TAFA2: variants seen among roughly 807,000 people sequenced by gnomAD.
TAFA2 encodes TAFA chemokine like family member 2.
TAFA2 carries 7 observed loss-of-function variants against 18.8 expected under a neutral mutation model. The ratio of observed to expected loss-of-function variants is 0.37; its 90% CI spans 0.21 to 0.70. The LOEUF (loss-of-function observed/expected upper bound fraction) is 0.70, where lower values mean the gene tolerates loss of function less well. TAFA2 is among the 30% of genes least tolerant of loss of function. The probability of loss-of-function intolerance (pLI) is 0.53; values close to 1 mark genes in which losing one functional copy is unlikely to be tolerated. For synonymous variants in TAFA2, 60 were observed against 54.2 expected, an observed-to-expected ratio of 1.11 and a Z score of -0.47; for missense variants, 122 against 158.1, an observed-to-expected ratio of 0.77 and a Z score of 1.23.
chr12:62,082,153 A>G (rs1324843157), intron 1 of TAFA2, among the ~76,000 whole-genome samples: 1 of 152,176 alleles, frequency 6.6e-6, no homozygotes, highest in Non-Finnish European at 1.5e-5. Flanking sequence ...CTAGTATTCT[A>G]TGATGTATTT....
intron 1 of TAFA2, among the ~76,000 whole-genome samples, chr12:62,209,768 T>A (rs1323025167): frequency 6.6e-6 from 1 of 152,260 alleles, no homozygotes; most frequent in Non-Finnish European, 1.5e-5. Context: ...TACAATTTTT[T>A]AACCAAAAGT....
chr12:61,938,322 CT>C (rs1346116176), intron 1 of TAFA2, among the ~76,000 whole-genome samples: 1 of 148,756 alleles, frequency 6.7e-6, no homozygotes, highest in East Asian at 2.0e-4. Context: ...ATGGAGACTT[CT>C]TTTTTTAAAA....
intron 1 of TAFA2, among the ~76,000 whole-genome samples, chr12:62,170,091 C>A (rs1289383239): frequency 6.6e-6 from 1 of 151,986 alleles, no homozygotes; most frequent in Non-Finnish European, 1.5e-5. Context: ...TCTTGTTTAT[C>A]TTGTTGTGCC....
intron 2 of TAFA2, among the ~76,000 whole-genome samples, chr12:61,768,131 A>G (rs192565249): frequency 4.7e-4 from 71 of 152,256 alleles, no homozygotes; most frequent in African/African-American, 1.7e-3. Context: ...GGAAATATAA[A>G]TCCAAACCAT....
intron 4 of TAFA2, among the ~76,000 whole-genome samples, chr12:61,731,575 A>C (rs1454009980): frequency 2.7e-5 from 4 of 148,476 alleles, no homozygotes; most frequent in Non-Finnish European, 6.0e-5. Context: ...TTCTTCTTTT[A>C]CTTCCGCCTC....
At chr12:62,197,546 C>T (rs981654975), upstream of TAFA2, among the ~76,000 whole-genome samples, 3 of 152,178 alleles carry the variant, frequency 2.0e-5, no homozygotes, top group African/African-American at 7.2e-5. Flanking sequence ...AAACTACCAC[C>T]AGTCAAAATA....
upstream of TAFA2, among the ~76,000 whole-genome samples, chr12:62,195,860 A>G (rs1485875181): frequency 2.0e-5 from 3 of 152,216 alleles, no homozygotes; most frequent in African/African-American, 7.2e-5. Flanking sequence ...TCCTCTAACA[A>G]GAGAGTCATC....
chr12:62,060,663 G>T (rs1169194486), intron 1 of TAFA2, among the ~76,000 whole-genome samples: 2 of 152,124 alleles, frequency 1.3e-5, no homozygotes, highest in Admixed American at 1.3e-4. Flanking sequence ...GATATTACAG[G>T]AGATGGTAGC....
At chr12:62,259,090 C>T (rs370279363), upstream of TAFA2, 10 of 153,624 alleles carry the variant, frequency 6.5e-5, no homozygotes, top group African/African-American at 2.2e-4. Context: ...TTCAGCACTT[C>T]CTACTAGCAT....
At chr12:61,873,731 T>A (rs1285218795) in intron 1 of TAFA2, among the ~76,000 whole-genome samples, 1 of 152,206 alleles carries the variant, frequency 6.6e-6, no homozygotes, top group Non-Finnish European at 1.5e-5. Flanking sequence ...CAAGTTTGAC[T>A]ACACTGTTGC....
At chr12:61,903,166 T>G (rs991286579) in intron 1 of TAFA2, among the ~76,000 whole-genome samples, 1 of 152,110 alleles carries the variant, frequency 6.6e-6, no homozygotes, top group African/African-American at 2.4e-5. Context: ...AAAATTACAG[T>G]GTAGTACCAA....
At chr12:61,869,579 G>A (rs1451499751) in intron 1 of TAFA2, among the ~76,000 whole-genome samples, 1 of 152,138 alleles carries the variant, frequency 6.6e-6, no homozygotes, top group African/African-American at 2.4e-5. Flanking sequence ...TTTTTAACAA[G>A]AGGCATATTG....
chr12:62,159,686 C>G (rs903146870), intron 1 of TAFA2, among the ~76,000 whole-genome samples: 3 of 151,596 alleles, frequency 2.0e-5, no homozygotes, highest in African/African-American at 7.3e-5. Context: ...AAGAATGACA[C>G]AGTGGACTTT....
intron 2 of TAFA2, among the ~76,000 whole-genome samples, chr12:61,770,230 A>C (rs926475713): frequency 3.5e-4 from 53 of 152,246 alleles, no homozygotes; most frequent in African/African-American, 1.2e-3. Context: ...GCCTCCAAGA[A>C]GTTTGGAATT....
chr12:62,156,532 C>T (rs973562794), intron 1 of TAFA2, among the ~76,000 whole-genome samples: 2 of 152,014 alleles, frequency 1.3e-5, no homozygotes, highest in Admixed American at 6.6e-5. Flanking sequence ...ATTTCAAAAC[C>T]GTGGAACCAA....
intron 4 of TAFA2, among the ~76,000 whole-genome samples, chr12:61,734,176 G>C (rs1338509388): frequency 6.6e-6 from 1 of 151,730 alleles, no homozygotes; most frequent in Non-Finnish European, 1.5e-5. Context: ...ATTTTGGGCT[G>C]AGATAATGGG....
chr12:61,734,545 T>C (rs1375913542), intron 4 of TAFA2, among the ~76,000 whole-genome samples: 1 of 151,970 alleles, frequency 6.6e-6, no homozygotes, highest in Non-Finnish European at 1.5e-5. Context: ...TAAACTAATA[T>C]TTGAAGCACA....
chr12:61,913,474 A>G (rs1262894647), intron 1 of TAFA2, among the ~76,000 whole-genome samples: 2 of 152,162 alleles, frequency 1.3e-5, no homozygotes, highest in Non-Finnish European at 2.9e-5. Flanking sequence ...TGGAGAAGAA[A>G]CTTACTCCAA....
At position 62,042,109 on chromosome 12, in the gene TAFA2, T is replaced by C. The variant is rs542530422; in HGVS notation, c.-2+149150A>G. Among the ~76,000 whole-genome samples the C allele has an allele frequency of 9.2e-5, 14 of 152,120 alleles. No individual in the cohort carries two copies. In the South Asian group the frequency reaches 2.9e-3, roughly 32 times the overall value. On this transcript the variant is annotated intron_variant, in intron 1 of 4. Transcript: ENST00000416284. The stretch of plus-strand genomic sequence containing the variant: ...AAAGTCTCAAAGAAGGCCGCCTCCA[T>C]TGTGGCAACTCCTTCATATCTGAAG...
Sources: gnomAD v4.1 joint callset for allele counts (sites outside exome capture counted in the v4.1 genomes callset) on GRCh38, gnomAD v4.1.1 for gene constraint, MANE v1.5 for transcripts, NCBI Gene and HGNC (gene_info 2026-07-23, HGNC 2026-07-21) for gene names.